WIPI1: variants seen among roughly 807,000 people sequenced by gnomAD.
WIPI1 encodes the protein WD repeat domain, phosphoinositide interacting 1.
A neutral mutation model predicts 55.3 loss-of-function variants in WIPI1; 45 were observed. The observed-to-expected ratio is 0.81, with a 90% CI of 0.64 to 1.04. The LOEUF is 1.04. Ranked by LOEUF, WIPI1 falls within the 50% of genes least tolerant of loss-of-function variation. The pLI, the probability that WIPI1 is intolerant of heterozygous loss-of-function variation, is 0.00. For missense variants in WIPI1, 445 were observed against 559.0 expected (o/e 0.80, Z 2.06); for synonymous variants, 195 against 217.6 (o/e 0.90, Z 0.92).
chr17:68,450,654 T>C, intron 3 of WIPI1, 74 bp downstream of exon 3: 1 of 1,513,460 alleles, frequency 6.6e-7, no homozygotes. Flanking sequence ...GACATTGATC[T>C]TGAAAGATGT....
At chr17:68,439,808 C>A (rs928199067) in intron 4 of WIPI1, among the ~76,000 whole-genome samples, 21 of 152,090 alleles carry the variant, frequency 1.4e-4, no homozygotes, top group African/African-American at 3.6e-4. Flanking sequence ...TGAAGGCTAC[C>A]GTGATATAGA....
chr17:68,442,991 C>G (rs2084142828), intron 4 of WIPI1, among the ~76,000 whole-genome samples: 1 of 152,210 alleles, frequency 6.6e-6, no homozygotes, highest in Non-Finnish European at 1.5e-5. Context: ...AAAAACTTAC[C>G]ACCCACAGCT....
intron 12 of WIPI1, among the ~76,000 whole-genome samples, chr17:68,422,960 C>T (rs1333365229): frequency 6.6e-6 from 1 of 152,016 alleles, no homozygotes; most frequent in African/African-American, 2.4e-5. Context: ...AAAGTAAATC[C>T]CAAGGAGGCA....
At chr17:68,455,501 A>G (rs191223424) in intron 1 of WIPI1, among the ~76,000 whole-genome samples, 11 of 152,286 alleles carry the variant, frequency 7.2e-5, no homozygotes, top group Admixed American at 7.2e-4. Flanking sequence ...GCCTACATTT[A>G]TAGAAAAAGA....
chr17:68,442,855 C>A (rs774884959), intron 4 of WIPI1, among the ~76,000 whole-genome samples: 22 of 152,198 alleles, frequency 1.4e-4, no homozygotes, highest in Non-Finnish European at 2.9e-4. Context: ...TTGAAGGGAA[C>A]TCGTGACAAC....
intron 4 of WIPI1, among the ~76,000 whole-genome samples, chr17:68,444,144 A>T (rs963414457): frequency 1.3e-5 from 2 of 152,226 alleles, no homozygotes; most frequent in African/African-American, 4.8e-5. Flanking sequence ...CCTACTCTGT[A>T]CTGAACGAAC....
chr17:68,422,731 C>CAAAAAAA (rs71142175), intron 12 of WIPI1: 1 of 66,432 alleles, frequency 1.5e-5, no homozygotes, highest in Non-Finnish European at 2.6e-5. Context: ...TCTATCATCT[C>CAAAAAAA]AAAAAAAAAA....
chr17:68,428,853 T>A lies in WIPI1; in HGVS notation c.1049A>T (p.Glu350Val). ...CCTGTGGGTTTTGATTAAGACACAC[T>A]CTCCTCCATCCTGAGGATCCAAATT... ...MYNLDPQDGG[E>V]CVLIKTHSLL... is the part of the protein sequence containing the mutation. The change falls in exon 10 of 13, where the codon GAG (glutamate) becomes GTG (valine). Residue 350 changes from glutamate to valine, a missense_variant. By Grantham distance (121) the Glu-to-Val change is moderately radical (BLOSUM62 -2). Transcript: ENST00000262139. 1.9e-6 allele frequency: 3 copies of A among 1,613,984 alleles called. No homozygotes were observed. The highest frequency in any genetic ancestry group is 2.5e-6 in the Non-Finnish European group (3 of 1,179,892).
At chr17:68,446,965 A>G (rs1437419858) in intron 3 of WIPI1, among the ~76,000 whole-genome samples, 2 of 152,190 alleles carry the variant, frequency 1.3e-5, no homozygotes, top group African/African-American at 2.4e-5. Flanking sequence ...GTGTGAGAGC[A>G]TGCTTCTGGG....
intron 12 of WIPI1, 65 bp from the exon 13 acceptor site, chr17:68,421,885 T>C (rs1376624067): frequency 1.1e-5 from 17 of 1,604,048 alleles, no homozygotes; most frequent in Admixed American, 1.7e-5. Flanking sequence ...AGGTGCATTA[T>C]CAACAGGTCT....
At chr17:68,446,001 T>A (rs934502025) in intron 3 of WIPI1, among the ~76,000 whole-genome samples, 3 of 152,108 alleles carry the variant, frequency 2.0e-5, no homozygotes, top group Non-Finnish European at 2.9e-5. Context: ...CTCAGCCAGC[T>A]CCTTTTATTC....
intron 1 of WIPI1, among the ~76,000 whole-genome samples, chr17:68,453,299 A>G (rs1031015506): frequency 1.3e-5 from 2 of 152,218 alleles, no homozygotes; most frequent in African/African-American, 4.8e-5. Flanking sequence ...CACTGGGCAG[A>G]TAACAGGAAA....
At position 68,421,813 on chromosome 17, in the gene WIPI1, A is replaced by G; in HGVS notation, c.1301T>C (p.Leu434Ser). The G allele has an allele frequency of 6.2e-7, 1 of 1,614,210 alleles. No individual in the cohort carries two copies. The highest frequency in any genetic ancestry group is 1.1e-5 in the South Asian group (1 of 91,088). ...DDENEFPPII[L>S]CRGNQKGKTK... ...TTTGCCCTTCTGATTTCCACGGCAC[A>G]AGATTATCTACCAAAATCAAAACAG... Residue 434 changes from leucine to serine, a missense_variant, in exon 13 of 13, where the codon TTG (leucine) becomes TCG (serine). By Grantham distance (145) the Leu-to-Ser change is moderately radical. Transcript: ENST00000262139.
At chr17:68,426,243 G>GGGGT in intron 11 of WIPI1, 68 bp from the exon 12 acceptor site, 1 of 935,364 alleles carries the variant, frequency 1.1e-6, no homozygotes, top group Non-Finnish European at 1.6e-6. Flanking sequence ...CCTGGCGGGT[G>GGGGT]GGGAGCGGGG....
intron 3 of WIPI1, among the ~76,000 whole-genome samples, chr17:68,445,695 T>C (rs895253084): frequency 3.3e-5 from 5 of 152,208 alleles, no homozygotes; most frequent in Non-Finnish European, 7.3e-5. Context: ...GGTTGATGTA[T>C]CGGGTGTTTA....
intron 1 of WIPI1, 108 bp downstream of exon 1, chr17:68,457,234 C>T (rs950280204): frequency 5.9e-6 from 8 of 1,360,586 alleles, no homozygotes; most frequent in Non-Finnish European, 7.0e-6. Flanking sequence ...CCGGCCCTCC[C>T]GCCGAGGCCG....
At chr17:68,453,229 A>G (rs1022075975) in intron 1 of WIPI1, among the ~76,000 whole-genome samples, 1 of 152,200 alleles carries the variant, frequency 6.6e-6, no homozygotes, top group Admixed American at 6.5e-5. Flanking sequence ...ATCAAGGGGC[A>G]TGAAACTGCA....
At chr17:68,447,992 A>ATG (rs2084352561) in intron 3 of WIPI1, among the ~76,000 whole-genome samples, 1 of 148,608 alleles carries the variant, frequency 6.7e-6, no homozygotes, top group African/African-American at 2.6e-5. Flanking sequence ...CTCAAAAAAA[A>ATG]AAAAAAAAAA....
Position 68,428,810 on chromosome 17 carries a change from T to G in WIPI1, c.1073+19A>C. ...GACCAGCTCTCGAAAGGCTGTCTTT[T>G]GAAAAGCAGTCTCTTCACCTGTGGG... On this transcript the variant is annotated intron_variant, in intron 10 of 12. Transcript: ENST00000262139. 5 of 1,595,224 alleles carry G rather than the reference T, an allele frequency of 3.1e-6. No homozygotes were observed. Among genetic ancestry groups the G allele is most frequent in the Non-Finnish European group, 4.3e-6 (5 of 1,163,306 alleles).
Sources: gnomAD v4.1 joint callset for allele counts (sites outside exome capture counted in the v4.1 genomes callset) on GRCh38, gnomAD v4.1.1 for gene constraint, MANE v1.5 for transcripts, NCBI Gene and HGNC (gene_info 2026-07-23, HGNC 2026-07-21) for gene names.